BRINP3: variants seen among roughly 807,000 people sequenced by gnomAD.
The protein encoded by BRINP3 is BMP/retinoic acid-inducible neural-specific protein 3.
In BRINP3, 19 loss-of-function variants were observed where a neutral mutation model predicts 71.0. The ratio of observed to expected loss-of-function variants is 0.27; its 90% confidence interval spans 0.19 to 0.39. The LOEUF is 0.39. BRINP3 is among the 10% of genes least tolerant of loss of function. The pLI, the probability that BRINP3 is intolerant of heterozygous loss-of-function variation, is 1.00. For missense variants in BRINP3, 959 were observed against 940.8 expected (o/e 1.02, Z -0.25); for synonymous variants, 380 against 337.7 (o/e 1.13, Z -1.37).
chr1:190,403,304 G>A (rs1272501682), intron 2 of BRINP3, among the ~76,000 whole-genome samples: 2 of 152,128 alleles, frequency 1.3e-5, no homozygotes, highest in Non-Finnish European at 2.9e-5. Context: ...GGCTTAAATA[G>A]AAAACATTTA....
chr1:190,324,032 A>T lies in BRINP3; in HGVS notation c.237-42282T>A, dbSNP rs115253970. On this transcript the variant is annotated intron_variant, in intron 2 of 7. Coordinates refer to ENST00000367462, the MANE Select transcript of BRINP3 (RefSeq NM_199051.3). ...CAATGACTGCTTTTTGTCCATTTACAGGGTAAGAACAATTAAAACTGTTTT... is the reference window on the plus strand; with the variant it reads ...CAATGACTGCTTTTTGTCCATTTACTGGGTAAGAACAATTAAAACTGTTTT... 4.4e-3 allele frequency among the ~76,000 whole-genome samples: 667 copies of T among 152,078 alleles called. 5 individuals carry two copies. The highest frequency in any genetic ancestry group is 0.014 in the Middle Eastern group (4 of 294).
chr1:190,118,108 A>G (rs1167057958), intron 7 of BRINP3, among the ~76,000 whole-genome samples: 2 of 148,054 alleles, frequency 1.4e-5, no homozygotes, highest in Admixed American at 6.9e-5. Context: ...TTAGTCTTAA[A>G]TTAATATTCT....
chr1:190,141,555 C>CTTTTTTTTTTT (rs35090212), intron 7 of BRINP3, among the ~76,000 whole-genome samples: 10 of 82,374 alleles, frequency 1.2e-4, no homozygotes, highest in Non-Finnish European at 1.7e-4. Flanking sequence ...TCTTTCTTTC[C>CTTTTTTTTTTT]TTTTTTTTTT....
intron 2 of BRINP3, among the ~76,000 whole-genome samples, chr1:190,365,125 AT>A (rs1302850022): frequency 3.9e-5 from 6 of 152,188 alleles, no homozygotes; most frequent in African/African-American, 1.4e-4. Context: ...TTCTGATTGC[AT>A]TATCATCTTT....
chr1:190,188,431 C>T (rs955016379), intron 6 of BRINP3, among the ~76,000 whole-genome samples: 4 of 152,004 alleles, frequency 2.6e-5, no homozygotes, highest in Non-Finnish European at 5.9e-5. Context: ...GTCTTTTTGT[C>T]TTTTTCTTGG....
intron 6 of BRINP3, among the ~76,000 whole-genome samples, chr1:190,203,788 TATATATATATATATATATATATATATAA>T (rs1218030698): frequency 1.4e-4 from 14 of 101,786 alleles, no homozygotes; most frequent in African/African-American, 4.9e-4. Flanking sequence ...TATATATATA[TATATATATATATATATATATATATATAA>T]ATGAAAACAA....
At chr1:190,468,793 A>G (rs570192045) in intron 1 of BRINP3, among the ~76,000 whole-genome samples, 1 of 151,246 alleles carries the variant, frequency 6.6e-6, no homozygotes, top group South Asian at 2.1e-4. Context: ...AGTTAGTTGC[A>G]TAAAACAATT....
At chr1:190,266,359 C>T (rs988412361) in intron 3 of BRINP3, among the ~76,000 whole-genome samples, 1 of 152,176 alleles carries the variant, frequency 6.6e-6, no homozygotes. Context: ...GAGATCAGTT[C>T]AGCTTCTCTC....
chr1:190,307,160 T>C (rs1665161662), intron 2 of BRINP3, among the ~76,000 whole-genome samples: 1 of 151,424 alleles, frequency 6.6e-6, no homozygotes, highest in South Asian at 2.1e-4. Flanking sequence ...GAGTAATAAT[T>C]AGGAATGAAA....
intron 7 of BRINP3, among the ~76,000 whole-genome samples, chr1:190,140,888 G>C (rs1655374327): frequency 6.6e-6 from 1 of 152,154 alleles, no homozygotes; most frequent in African/African-American, 2.4e-5. Context: ...GAGAATGATA[G>C]TCTGCCACTC....
At chr1:190,402,068 T>C (rs1277705188) in intron 2 of BRINP3, among the ~76,000 whole-genome samples, 1 of 152,030 alleles carries the variant, frequency 6.6e-6, no homozygotes, top group Non-Finnish European at 1.5e-5. Context: ...CAGTTAACAG[T>C]AAAAATACAT....
intron 2 of BRINP3, among the ~76,000 whole-genome samples, chr1:190,392,338 C>A (rs1171373): frequency 0.57 from 86,823 of 151,190 alleles, 25,362 homozygotes; most frequent in Middle Eastern, 0.64. Context: ...TTGTATATTA[C>A]GAGCTTCTTT....
intron 2 of BRINP3, among the ~76,000 whole-genome samples, chr1:190,344,194 A>G (rs1667859889): frequency 6.6e-6 from 1 of 151,812 alleles, no homozygotes; most frequent in Non-Finnish European, 1.5e-5. Context: ...TTAGATAGTA[A>G]CTAAATTTTT....
At chr1:190,357,409 G>A (rs983430779) in intron 2 of BRINP3, among the ~76,000 whole-genome samples, 1 of 151,926 alleles carries the variant, frequency 6.6e-6, no homozygotes, top group Non-Finnish European at 1.5e-5. Flanking sequence ...CTGTCTACAT[G>A]TGATAGAAAA....
At position 190,304,516 on chromosome 1, in the gene BRINP3, C is replaced by T. The variant is rs1397165262; in HGVS notation, c.237-22766G>A. ...TGATTTTTAACAAAGGTGCTAAGAA[C>T]ACACTGAAAGGACAGTTTCTTCAAA... On this transcript the variant is annotated intron_variant, in intron 2 of 7. Coordinates refer to ENST00000367462, the MANE Select transcript of BRINP3 (RefSeq NM_199051.3). 2.6e-5 allele frequency among the ~76,000 whole-genome samples: 4 copies of T among 151,718 alleles called. No homozygotes were observed. The East Asian group carries it at 7.7e-4, about 29-fold the overall frequency.
intron 1 of BRINP3, among the ~76,000 whole-genome samples, chr1:190,462,600 T>C (rs1247849842): frequency 8.5e-5 from 13 of 152,176 alleles, no homozygotes; most frequent in Admixed American, 8.5e-4. Flanking sequence ...TAAAATGAAA[T>C]GCTATTTTTA....
intron 6 of BRINP3, among the ~76,000 whole-genome samples, chr1:190,184,823 C>T (rs982148223): frequency 6.6e-6 from 1 of 151,880 alleles, no homozygotes; most frequent in Non-Finnish European, 1.5e-5. Context: ...TCAATCATAC[C>T]CTAACCTCAG....
chr1:190,290,901 G>A (rs1238642996), intron 2 of BRINP3, among the ~76,000 whole-genome samples: 1 of 151,916 alleles, frequency 6.6e-6, no homozygotes, highest in African/African-American at 2.4e-5. Context: ...GTTTGTGTGT[G>A]TGTGTGCACG....
chr1:190,289,677 C>A (rs1663707951), intron 2 of BRINP3, among the ~76,000 whole-genome samples: 1 of 151,928 alleles, frequency 6.6e-6, no homozygotes, highest in Non-Finnish European at 1.5e-5. Flanking sequence ...TGTTATCTAG[C>A]AAGCACTTGG....
Sources: gnomAD v4.1 joint callset for allele counts (sites outside exome capture counted in the v4.1 genomes callset) on GRCh38, gnomAD v4.1.1 for gene constraint, MANE v1.5 for transcripts, NCBI Gene and HGNC (gene_info 2026-07-23, HGNC 2026-07-21) for gene names.